Variants in ASAH1 observed in about 807,000 individuals in gnomAD.
ASAH1 encodes acid ceramidase.
A neutral mutation model predicts 59.5 loss-of-function variants in ASAH1; 70 were observed. That is an observed-to-expected ratio of 1.18 (90% CI 0.97 to 1.43). ASAH1 has a LOEUF of 1.43. Ranked by LOEUF, ASAH1 falls within the 40% of genes most tolerant of loss-of-function variation. The pLI, the probability that ASAH1 is intolerant of heterozygous loss-of-function variation, is 0.00. For synonymous variants in ASAH1, 213 were observed against 166.5 expected (o/e 1.28, Z -2.15); for missense variants, 660 against 482.5 (o/e 1.37, Z -3.45).
At chr8:18,084,738 G>C (rs760880550), upstream of ASAH1, 5 of 1,613,828 alleles carry the variant, frequency 3.1e-6, no homozygotes, top group South Asian at 1.1e-5. Flanking sequence ...AGCGCGCTGA[G>C]ACTTGGGTAG....
chr8:18,064,426 T>TGGTGG, intron 6 of ASAH1, 31 bp downstream of exon 6: 2 of 1,483,580 alleles, frequency 1.3e-6, no homozygotes, highest in Non-Finnish European at 1.9e-6. Flanking sequence ...TAGTGCTTCA[T>TGGTGG]GCTGCCCACC....
At chr8:18,077,009 C>A (rs1466515746) in intron 1 of ASAH1, among the ~76,000 whole-genome samples, 1 of 152,176 alleles carries the variant, frequency 6.6e-6, no homozygotes, top group South Asian at 2.1e-4. Context: ...CAAAGCCATT[C>A]GTGTTCAGTA....
At chr8:18,084,932 T>A, upstream of ASAH1, 1 of 1,359,970 alleles carries the variant, frequency 7.4e-7, no homozygotes, top group Non-Finnish European at 1.0e-6. Flanking sequence ...GTGGACACAG[T>A]CGCGCGGGTA....
chr8:18,061,563 G>C (rs1799700724), intron 9 of ASAH1, 105 bp from the exon 10 acceptor site: 9 of 1,445,858 alleles, frequency 6.2e-6, no homozygotes, highest in Non-Finnish European at 8.7e-6. Flanking sequence ...AACCAGAAGA[G>C]GTTAGACTTT....
At chr8:18,080,130 C>T (rs1800591191) in intron 1 of ASAH1, among the ~76,000 whole-genome samples, 1 of 152,170 alleles carries the variant, frequency 6.6e-6, no homozygotes. Flanking sequence ...CAATAAATTC[C>T]TAGGCCAGAT....
Position 18,075,001 on chromosome 8 carries a change from C to CTTTTTTTTTTTTTTTTTTTTTT in ASAH1, c.125+539_125+540insAAAAAAAAAAAAAAAAAAAAAA, listed in dbSNP as rs769278694. ...ATTGAGTGGAGAATGAAAATCCTTT[C>CTTTTTTTTTTTTTTTTTTTTTT]CTTTTTTTTTTTGAGACAGAGTCTC... is the stretch of plus-strand genomic sequence containing the variant. On this transcript the variant is annotated intron_variant, in intron 2 of 13. Transcript: ENST00000637790. Among the ~76,000 whole-genome samples, 72 of 148,540 alleles carry CTTTTTTTTTTTTTTTTTTTTTT rather than the reference C, an allele frequency of 4.8e-4. 7 individuals carry two copies. Among genetic ancestry groups the CTTTTTTTTTTTTTTTTTTTTTT allele is most frequent in the South Asian group, 6.5e-4 (3 of 4,646 alleles).
intron 12 of ASAH1, 131 bp from the exon 13 acceptor site, chr8:18,059,022 C>T: frequency 1.2e-6 from 1 of 827,068 alleles, no homozygotes; most frequent in Non-Finnish European, 2.0e-6. Context: ...AGTGGAGTTT[C>T]TGTGGGAGTC....
chr8:18,080,233 A>C (rs2283119), intron 1 of ASAH1, among the ~76,000 whole-genome samples: 75,165 of 152,170 alleles, frequency 0.49, 18,971 homozygotes, highest in Non-Finnish European at 0.55. Flanking sequence ...GCTGTTAACT[A>C]GTATGAGAAG....
Position 18,083,996 on chromosome 8 carries a change from C to G in ASAH1, c.63G>C (p.Ala21=). 1 of 1,597,990 alleles carries G rather than the reference C, an allele frequency of 6.3e-7. No individual in the cohort carries two copies. Among genetic ancestry groups the G allele is most frequent in the Non-Finnish European group, 8.5e-7 (1 of 1,179,422 alleles). ...LLAAAVSCAV[A]QHAPPWTEDC... is the part of the protein sequence containing the mutation. ...GCTCACTCACCGGCGGCGCGTGCTG[C>G]GCGACGGCACAGCTGACGGCGGCAG... is the stretch of plus-strand genomic sequence containing the variant. The change falls in exon 1 of 14, where the codon GCG becomes GCC. Residue 21 remains alanine, a synonymous_variant. Transcript: ENST00000637790.
At position 18,057,336 on chromosome 8, in the gene ASAH1, A is replaced by G. The variant is rs912625262; in HGVS notation, c.*198T>C. 5.1e-6 allele frequency: 2 copies of G among 393,566 alleles called. No individual in the cohort carries two copies. The highest frequency in any genetic ancestry group is 2.2e-5 in the South Asian group (1 of 46,308). 24.4% of individuals were successfully genotyped at this position (393,566 alleles called of 1,614,324 possible). On this transcript the variant is annotated 3_prime_UTR_variant, in exon 14 of 14. Transcript: ENST00000637790. ...TACTTCCCCTAAAGAAGTTATCTGT[A>G]AATAAGAAAAATCAACTGATAGGGG... is the stretch of plus-strand genomic sequence containing the variant.
At position 18,075,176 on chromosome 8, in the gene ASAH1, T is replaced by G. The variant is rs1322003115; in HGVS notation, c.125+365A>C. Among the ~76,000 whole-genome samples, 3 of 151,928 alleles carry G rather than the reference T, an allele frequency of 2.0e-5. No homozygotes were observed. The East Asian group carries it at 5.8e-4, about 29-fold the overall frequency. On this transcript the variant is annotated intron_variant, in intron 2 of 13. Transcript: ENST00000637790. ...ACGCCTGGCTAATTTTTTGTATTTT[T>G]AGTAGAGACGGGGTTTCACTGTTAG... is the stretch of plus-strand genomic sequence containing the variant.
At chr8:18,067,907 G>C (rs1424939010) in intron 4 of ASAH1, 1 of 152,156 alleles carries the variant, frequency 6.6e-6, no homozygotes, top group Non-Finnish European at 1.5e-5. Flanking sequence ...CACAACTTAA[G>C]TTCACGGCCT....
intron 3 of ASAH1, among the ~76,000 whole-genome samples, chr8:18,070,485 T>C (rs1800119642): frequency 6.6e-6 from 1 of 152,048 alleles, no homozygotes; most frequent in Admixed American, 6.6e-5. Flanking sequence ...GGTTTCACCA[T>C]GTTGGCCAGG....
chr8:18,059,186 TAAG>T, intron 12 of ASAH1, 152 bp downstream of exon 12: 2 of 1,232,650 alleles, frequency 1.6e-6, no homozygotes, highest in Non-Finnish European at 2.3e-6. Context: ...CTCTTTAAGT[TAAG>T]AAAACGAAAC....
intron 1 of ASAH1, among the ~76,000 whole-genome samples, chr8:18,079,801 T>C (rs180922056): frequency 1.3e-4 from 20 of 152,356 alleles, no homozygotes; most frequent in Admixed American, 1.2e-3. Flanking sequence ...AATGTCCTCT[T>C]ATGTACAACT....
chr8:18,084,685 C>T (rs1800821810), upstream of ASAH1: 1 of 1,613,636 alleles, frequency 6.2e-7, no homozygotes, highest in Non-Finnish European at 8.5e-7. Flanking sequence ...CTTGGGCTTT[C>T]ACAGCAAAGC....
intron 3 of ASAH1, among the ~76,000 whole-genome samples, chr8:18,070,589 C>T (rs993952615): frequency 4.6e-5 from 7 of 152,194 alleles, no homozygotes; most frequent in Non-Finnish European, 8.8e-5. Context: ...TGCCTGGCCT[C>T]GATTAATACA....
At chr8:18,084,195 C>T, upstream of ASAH1, 1 of 1,528,494 alleles carries the variant, frequency 6.5e-7, no homozygotes, top group Non-Finnish European at 8.7e-7. Flanking sequence ...AGGGGGAACG[C>T]TCGGAGGAGG....
At chr8:18,067,714 T>C (rs1178024605) in intron 4 of ASAH1, 4 of 154,682 alleles carry the variant, frequency 2.6e-5, no homozygotes, top group African/African-American at 4.8e-5. Context: ...GTTCTTACCA[T>C]TTCCTTCCCA....
Sources: gnomAD v4.1 joint callset for allele counts (sites outside exome capture counted in the v4.1 genomes callset) on GRCh38, gnomAD v4.1.1 for gene constraint, MANE v1.5 for transcripts, NCBI Gene and HGNC (gene_info 2026-07-23, HGNC 2026-07-21) for gene names.